NWD1: variants seen among roughly 807,000 people sequenced by gnomAD.
NWD1 encodes the protein NACHT domain- and WD repeat-containing protein 1.
Under a neutral mutation model 135.1 loss-of-function variants are expected in NWD1, and 129 were observed. The observed-to-expected ratio is 0.96, with a 90% CI of 0.83 to 1.11. NWD1 has a LOEUF of 1.11. NWD1 is among the 50% of genes least tolerant of loss of function. The pLI, the probability that NWD1 is intolerant of heterozygous loss-of-function variation, is 0.00. For missense variants in NWD1, 1,740 were observed against 1,851.3 expected (o/e 0.94, Z 1.10); for synonymous variants, 773 against 786.0 (o/e 0.98, Z 0.28).
intron 17 of NWD1, among the ~76,000 whole-genome samples, chr19:16,807,236 G>A (rs1000826252): frequency 2.6e-5 from 4 of 151,760 alleles, no homozygotes; most frequent in African/African-American, 9.7e-5. Context: ...GCTCACGCCT[G>A]TAATCCCAGC....
intron 11 of NWD1, among the ~76,000 whole-genome samples, chr19:16,778,717 C>T (rs1969749680): frequency 6.6e-6 from 1 of 152,100 alleles, no homozygotes; most frequent in African/African-American, 2.4e-5. Context: ...CCATGTTGGA[C>T]AGGCTGGTCT....
At chr19:16,742,574 C>A (rs1968129680) in intron 4 of NWD1, among the ~76,000 whole-genome samples, 1 of 151,916 alleles carries the variant, frequency 6.6e-6, no homozygotes, top group Non-Finnish European at 1.5e-5. Flanking sequence ...ACTTAGGGTC[C>A]TCTTAGCCCT....
chr19:16,771,541 C>T (rs1213795520), intron 10 of NWD1, among the ~76,000 whole-genome samples: 1 of 152,164 alleles, frequency 6.6e-6, no homozygotes, highest in Non-Finnish European at 1.5e-5. Flanking sequence ...ACGCGAGAGG[C>T]GCTCGCCAGG....
At chr19:16,737,695 C>T (rs1032012113) in intron 4 of NWD1, among the ~76,000 whole-genome samples, 21 of 150,628 alleles carry the variant, frequency 1.4e-4, no homozygotes, top group African/African-American at 3.9e-4. Flanking sequence ...AGCAGGGGGC[C>T]GGGCGTGGTG....
chr19:16,778,377 G>A (rs925041625), intron 11 of NWD1, among the ~76,000 whole-genome samples: 3 of 151,902 alleles, frequency 2.0e-5, no homozygotes, highest in African/African-American at 7.3e-5. Flanking sequence ...TTTTCTTTAG[G>A]ACATCAGCCC....
At chr19:16,804,672 G>A (rs1277990455) in intron 17 of NWD1, among the ~76,000 whole-genome samples, 1 of 152,000 alleles carries the variant, frequency 6.6e-6, no homozygotes, top group Non-Finnish European at 1.5e-5. Context: ...CCAAGATCAA[G>A]GTGCCAGCAA....
At chr19:16,767,958 G>A (rs1969284901) in intron 10 of NWD1, among the ~76,000 whole-genome samples, 1 of 140,656 alleles carries the variant, frequency 7.1e-6, no homozygotes, top group African/African-American at 2.6e-5. Flanking sequence ...CATCCACATT[G>A]TAGCATATGT....
intron 1 of NWD1, among the ~76,000 whole-genome samples, chr19:16,722,858 G>C (rs904719309): frequency 6.6e-6 from 1 of 152,000 alleles, no homozygotes; most frequent in African/African-American, 2.4e-5. Context: ...TCATGTCTAC[G>C]TGACCAACTC....
At chr19:16,776,860 T>A (rs1385796130) in intron 11 of NWD1, among the ~76,000 whole-genome samples, 1 of 144,180 alleles carries the variant, frequency 6.9e-6, no homozygotes, top group Non-Finnish European at 1.5e-5. Flanking sequence ...GAGAATGGCT[T>A]GAGCCCAAGA....
chr19:16,733,547 C>T (rs1031391528), intron 3 of NWD1, among the ~76,000 whole-genome samples: 1 of 150,346 alleles, frequency 6.7e-6, no homozygotes, highest in Non-Finnish European at 1.5e-5. Context: ...TCAAGTGGCT[C>T]TTTGGGTAAA....
In NWD1 at chr19:16,807,743, C is replaced by G; in HGVS notation, c.3894C>G (p.Ala1298=). Residue 1298 remains alanine, a synonymous_variant, in exon 18 of 19, where the codon GCC becomes GCG. Coordinates refer to ENST00000524140, the MANE Select transcript of NWD1 (RefSeq NM_001007525.5). ...TGATATGCATTCCCCCTCCCGAGGC[C>G]CGGAAAGCAATCAACTGCATGTCCC... ...QDVICIPPPE[A]RKAINCMSLS... 6.2e-7 allele frequency: 1 copy of G among 1,613,226 alleles called. No homozygotes were observed. The highest frequency in any genetic ancestry group is 1.3e-5 in the African/African-American group (1 of 75,002).
intron 17 of NWD1, among the ~76,000 whole-genome samples, chr19:16,807,109 G>A (rs570180850): frequency 1.5e-4 from 23 of 150,570 alleles, no homozygotes; most frequent in Admixed American, 1.5e-3. Flanking sequence ...AATCACTTGA[G>A]TCCAAAAGTT....
intron 18 of NWD1, 39 bp from the exon 19 acceptor site, chr19:16,814,989 C>T (rs1971025013): frequency 1.3e-6 from 2 of 1,596,724 alleles, no homozygotes; most frequent in Non-Finnish European, 1.7e-6. Context: ...CCTCTACACC[C>T]CATTTTTCTC....
At chr19:16,756,707 G>A (rs985375608) in intron 6 of NWD1, among the ~76,000 whole-genome samples, 3 of 151,990 alleles carry the variant, frequency 2.0e-5, no homozygotes, top group African/African-American at 7.3e-5. Flanking sequence ...CCTACAATAG[G>A]GGTCCCCATC....
rs746057769 is a variant in NWD1 at position 16,807,972 on chromosome 19, G to A, written c.4123G>A (p.Glu1375Lys). ...GACCAATGGGGACCTCTTTCTTTACGAGTGTGCAACTTCCAAAGCGTTTCC... is the reference window on the plus strand; with the variant it reads ...GACCAATGGGGACCTCTTTCTTTACAAGTGTGCAACTTCCAAAGCGTTTCC... ...SMTNGDLFLY[E>K]CATSKAFPLE... Residue 1375 changes from glutamate to lysine, a missense_variant, in exon 18 of 19, where the codon GAG becomes AAG. By Grantham distance (56) the Glu-to-Lys change is moderately conservative. Transcript: ENST00000524140. 4 of 1,614,028 alleles carry A rather than the reference G, an allele frequency of 2.5e-6. No homozygotes were observed. The highest frequency in any genetic ancestry group is 2.5e-6 in the Non-Finnish European group (3 of 1,180,018).
chr19:16,749,954 G>A lies in NWD1; in HGVS notation c.1312G>A (p.Ala438Thr). ...NFESLVLLLD[A>T]MDDLDSVRHA... is the part of the protein sequence containing the mutation. ...CGAGTCTCTCGTGCTCCTGCTGGAT[G>A]CTATGGATGACCTGGACTCTGTCCG... The change falls in exon 6 of 19, where the codon GCT becomes ACT. Residue 438 changes from alanine to threonine, a missense_variant. Coordinates refer to ENST00000524140, the MANE Select transcript of NWD1 (RefSeq NM_001007525.5). 1 of 1,613,818 alleles carries A rather than the reference G, an allele frequency of 6.2e-7. No homozygotes were observed.
chr19:16,773,458 G>A (rs1454716467), intron 11 of NWD1, 135 bp downstream of exon 11: 17 of 677,258 alleles, frequency 2.5e-5, no homozygotes, highest in Non-Finnish European at 4.0e-5. Flanking sequence ...ATCAGAGCCT[G>A]CCCCTGCTGT....
rs144961672 is a variant in NWD1, at chr19:16,773,238, C to T, written c.2523C>T (p.Cys841=). The change falls in exon 11 of 19, where the codon TGC becomes TGT. Residue 841 remains cysteine, a synonymous_variant. Coordinates refer to ENST00000524140, the MANE Select transcript of NWD1 (RefSeq NM_001007525.5). The stretch of plus-strand genomic sequence containing the variant: ...AGGCCCAGAGCTGGTTCCAGTTGTG[C>T]GCACACCCTGTGCTGGTGCCCCTCG... ...CQQAQSWFQL[C]AHPVLVPLGG... 74 of 1,613,736 alleles carry T rather than the reference C, an allele frequency of 4.6e-5. No individual in the cohort carries two copies. Among genetic ancestry groups the T allele is most frequent in the South Asian group, 2.2e-4 (20 of 91,082 alleles).
intron 6 of NWD1, among the ~76,000 whole-genome samples, chr19:16,754,895 A>ATATC (rs573675904): frequency 5.9e-5 from 9 of 152,144 alleles, no homozygotes; most frequent in Admixed American, 5.2e-4. Context: ...CCCATCCGTC[A>ATATC]TATCTATCTA....
Sources: allele counts gnomAD v4.1 joint callset (sites outside exome capture counted in the v4.1 genomes callset), GRCh38; gene constraint gnomAD v4.1.1; transcripts MANE v1.5; gene names NCBI Gene and HGNC (gene_info 2026-07-23, HGNC 2026-07-21).